Variants in VPS13B observed in about 807,000 individuals in gnomAD.
VPS13B encodes intermembrane lipid transfer protein VPS13B.
VPS13B carries 285 observed loss-of-function variants against 426.4 expected under a neutral mutation model. The ratio of observed to expected loss-of-function variants is 0.67; its 90% confidence interval spans 0.61 to 0.74. VPS13B has a LOEUF of 0.74. Among genes scored for constraint, VPS13B ranks in the 30% least tolerant of loss-of-function variants. The probability of loss-of-function intolerance (pLI) is 0.00; values close to 1 mark genes in which losing one functional copy is unlikely to be tolerated. For synonymous variants in VPS13B, 1,676 were observed against 1,676.4 expected, an observed-to-expected ratio of 1.00 and a Z score of 0.01; for missense variants, 4,537 against 4,782.6, an observed-to-expected ratio of 0.95 and a Z score of 1.51.
At position 99,274,218 on chromosome 8, in the gene VPS13B, C is replaced by A. The variant is rs934545731; in HGVS notation, c.2536C>A (p.Leu846Met). 5 of 1,614,134 alleles carry A rather than the reference C, an allele frequency of 3.1e-6. No individual in the cohort carries two copies. Residue 846 changes from leucine (L) to methionine (M), a missense_variant, in exon 18 of 62, where the codon CTG (leucine) becomes ATG (methionine). Coordinates refer to ENST00000357162, the MANE Select transcript of VPS13B (RefSeq NM_152564.5). ...LSIGVKSKNP[L>M]PTLEGSIQNV... ...ATTAGGTGTGAAATCTAAGAATCCC[C>A]TGCCAACTCTTGAGGGCTCAATCCA...
At chr8:99,226,197 T>C (rs185826367) in intron 17 of VPS13B, among the ~76,000 whole-genome samples, 20 of 152,288 alleles carry the variant, frequency 1.3e-4, no homozygotes, top group Admixed American at 3.9e-4. Context: ...AGCCAAAACA[T>C]AGAGTCTCTC....
intron 3 of VPS13B, among the ~76,000 whole-genome samples, chr8:99,056,187 G>A (rs1320520328): frequency 6.6e-6 from 1 of 151,986 alleles, no homozygotes; most frequent in East Asian, 1.9e-4. Context: ...CTCCCAAGTA[G>A]CAGGGACTAC....
intron 42 of VPS13B, among the ~76,000 whole-genome samples, chr8:99,780,431 C>T (rs1033639041): frequency 1.3e-5 from 2 of 152,092 alleles, no homozygotes; most frequent in African/African-American, 4.8e-5. Flanking sequence ...GGTAAAAATA[C>T]TCTCTTAGAC....
At chr8:99,279,991 G>T (rs192875346) in intron 19 of VPS13B, among the ~76,000 whole-genome samples, 3 of 152,080 alleles carry the variant, frequency 2.0e-5, no homozygotes, top group African/African-American at 7.2e-5. Flanking sequence ...GGAAGGTCTC[G>T]ATCTCCTGAC....
intron 35 of VPS13B, among the ~76,000 whole-genome samples, chr8:99,670,791 T>C (rs1830682798): frequency 6.6e-6 from 1 of 152,136 alleles, no homozygotes; most frequent in Non-Finnish European, 1.5e-5. Flanking sequence ...AGTTCATCCA[T>C]GTTGTCTCAA....
At chr8:99,173,017 T>C (rs1189382542) in intron 16 of VPS13B, among the ~76,000 whole-genome samples, 1 of 152,182 alleles carries the variant, frequency 6.6e-6, no homozygotes, top group African/African-American at 2.4e-5. Flanking sequence ...ATATAATTAT[T>C]ACTTATATAT....
chr8:99,711,361 T>A (rs1167547746), intron 36 of VPS13B, among the ~76,000 whole-genome samples: 3 of 152,232 alleles, frequency 2.0e-5, no homozygotes, highest in African/African-American at 7.2e-5. Flanking sequence ...TTTATATCTG[T>A]AGATTTTGTA....
rs138148013 is a variant in VPS13B, at chr8:99,575,663, G to A, written c.4955G>A (p.Arg1652Gln). 3.6e-5 allele frequency: 58 copies of A among 1,613,656 alleles called. No individual in the cohort carries two copies. The highest frequency in any genetic ancestry group is 4.4e-5 in the Non-Finnish European group (52 of 1,179,856). Residue 1652 changes from arginine (R) to glutamine (Q), a missense_variant, in exon 32 of 62, where the codon CGG becomes CAG. Arg to Gln is a conservative substitution (Grantham distance 43). Coordinates refer to ENST00000357162, the MANE Select transcript of VPS13B (RefSeq NM_152564.5). ...TCTTTTACTCTATCTTTTAGCATAC[G>A]GCGGCATCAAGAAAGGAGAGCAATT... ...ALEWNMASSI[R>Q]RHQERRAILT...
At chr8:99,154,381 T>G (rs1811242802) in intron 14 of VPS13B, among the ~76,000 whole-genome samples, 1 of 152,202 alleles carries the variant, frequency 6.6e-6, no homozygotes, top group Non-Finnish European at 1.5e-5. Context: ...TTTTTTGGTT[T>G]GCTTTTCAGT....
chr8:99,796,627 C>T (rs1200675798), intron 43 of VPS13B: 1 of 152,132 alleles, frequency 6.6e-6, no homozygotes, highest in East Asian at 1.9e-4. Flanking sequence ...GACTTAAAAA[C>T]CATTTATTAG....
At chr8:99,801,078 A>G (rs1366623477) in intron 43 of VPS13B, among the ~76,000 whole-genome samples, 1 of 152,142 alleles carries the variant, frequency 6.6e-6, no homozygotes, top group African/African-American at 2.4e-5. Flanking sequence ...ACTTTGTTCC[A>G]TTGTCTCTCA....
At chr8:99,354,926 GA>G (rs1456143382) in intron 19 of VPS13B, among the ~76,000 whole-genome samples, 2 of 152,058 alleles carry the variant, frequency 1.3e-5, no homozygotes, top group African/African-American at 4.8e-5. Context: ...CCTAGGGAGA[GA>G]AAAATAAATG....
intron 25 of VPS13B, among the ~76,000 whole-genome samples, chr8:99,497,426 TTACTC>T (rs771731060): frequency 5.4e-5 from 8 of 147,324 alleles, no homozygotes; most frequent in African/African-American, 1.7e-4. Flanking sequence ...TTACAAATAT[TTACTC>T]TACCTAAAGT....
chr8:99,482,592 G>A (rs753665947), intron 25 of VPS13B, among the ~76,000 whole-genome samples: 1 of 152,128 alleles, frequency 6.6e-6, no homozygotes, highest in African/African-American at 2.4e-5. Flanking sequence ...ACCACAAGTG[G>A]TATTGCTGTT....
chr8:99,646,052 G>A (rs144538203), intron 34 of VPS13B, among the ~76,000 whole-genome samples: 6,035 of 152,252 alleles, frequency 0.04, 208 homozygotes, highest in Non-Finnish European at 0.053. Context: ...GCATTCTAAA[G>A]TGAAGGAGTC....
intron 39 of VPS13B, among the ~76,000 whole-genome samples, chr8:99,737,011 C>A (rs1414407582): frequency 2.0e-5 from 3 of 146,474 alleles, no homozygotes; most frequent in Non-Finnish European, 4.5e-5. Flanking sequence ...ACCTACAACT[C>A]TTAACTGCAG....
In VPS13B at chr8:99,854,272, G is replaced by T. The variant is rs1159396212; in HGVS notation, c.10867+16G>T. 6.2e-7 allele frequency: 1 copy of T among 1,611,186 alleles called. No homozygotes were observed. The highest frequency in any genetic ancestry group is 2.2e-5 in the East Asian group (1 of 44,832). ...TTTAGAGCAGGTAAGAACACAAGCTGAGGGTCTGTGATGAGCTAGAGCCCG... is the reference window on the plus strand; with the variant it reads ...TTTAGAGCAGGTAAGAACACAAGCTTAGGGTCTGTGATGAGCTAGAGCCCG... On this transcript the variant is annotated intron_variant, in intron 56 of 61. Transcript: ENST00000357162.
chr8:99,259,776 G>T (rs1563632248), intron 17 of VPS13B, among the ~76,000 whole-genome samples: 1 of 151,990 alleles, frequency 6.6e-6, no homozygotes, highest in Non-Finnish European at 1.5e-5. Context: ...ACAAGTATTT[G>T]CTGTGGCACA....
chr8:99,652,724 T>G (rs1202723913), intron 34 of VPS13B, among the ~76,000 whole-genome samples: 1 of 152,140 alleles, frequency 6.6e-6, no homozygotes, highest in Non-Finnish European at 1.5e-5. Context: ...TCTTTAGAAT[T>G]AAGGTTTTTG....
Sources: allele counts gnomAD v4.1 joint callset (sites outside exome capture counted in the v4.1 genomes callset), GRCh38; gene constraint gnomAD v4.1.1; transcripts MANE v1.5; gene names NCBI Gene and HGNC (gene_info 2026-07-23, HGNC 2026-07-21).